Variants in BATF observed in about 807,000 individuals in gnomAD.
BATF encodes the protein basic leucine zipper ATF-like transcription factor, also known as basic leucine zipper transcriptional factor ATF-like.
BATF carries 5 observed loss-of-function variants against 13.7 expected under a neutral mutation model. That is an observed-to-expected ratio of 0.36 (90% CI 0.19 to 0.77). The LOEUF (loss-of-function observed/expected upper bound fraction) is 0.77. Among genes scored for constraint, BATF ranks in the 30% least tolerant of loss-of-function variants. The pLI is 0.51. For missense variants in BATF, 124 were observed against 163.0 expected (o/e 0.76, Z 1.30); for synonymous variants, 72 against 67.5 (o/e 1.07, Z -0.33).
chr14:75,530,622 T>C (rs1887718505), intron 2 of BATF, among the ~76,000 whole-genome samples: 1 of 152,248 alleles, frequency 6.6e-6, no homozygotes, highest in African/African-American at 2.4e-5. Flanking sequence ...AAGGCATAAA[T>C]ATAGTCCATA....
Position 75,546,602 on chromosome 14 carries a change from C to A in BATF, c.309C>A (p.Pro103=). 3.1e-6 allele frequency: 5 copies of A among 1,613,936 alleles called. No homozygotes were observed. The highest frequency in any genetic ancestry group is 4.2e-6 in the Non-Finnish European group (5 of 1,179,932). Reference sequence around the variant, plus strand: ...TGCTGGCCGCCAGCACGCCCTCGCCCCCCGAGGTGGTGTACAGCGCCCACG... The same window carrying A: ...TGCTGGCCGCCAGCACGCCCTCGCCACCCGAGGTGGTGTACAGCGCCCACG... ...CSVLAASTPS[P]PEVVYSAHAF... is the part of the protein sequence containing the mutation. Residue 103 remains proline (P), a synonymous_variant, in exon 3 of 3, where the codon CCC becomes CCA. Coordinates refer to ENST00000286639, the MANE Select transcript of BATF (RefSeq NM_006399.5).
At chr14:75,541,536 C>T (rs527523656) in intron 2 of BATF, among the ~76,000 whole-genome samples, 13 of 152,112 alleles carry the variant, frequency 8.5e-5, no homozygotes, top group Non-Finnish European at 1.6e-4. Context: ...ATGGTCAGCT[C>T]TATGATTGGA....
chr14:75,528,899 A>C (rs1887691176), intron 2 of BATF, among the ~76,000 whole-genome samples: 1 of 152,250 alleles, frequency 6.6e-6, no homozygotes, highest in South Asian at 2.1e-4. Flanking sequence ...TTATAATACC[A>C]ATGACAACAG....
At chr14:75,540,079 C>T (rs1212245020) in intron 2 of BATF, among the ~76,000 whole-genome samples, 1 of 152,142 alleles carries the variant, frequency 6.6e-6, no homozygotes, top group Non-Finnish European at 1.5e-5. Flanking sequence ...GGACTATTTT[C>T]ACCCTTCTGG....
intron 2 of BATF, among the ~76,000 whole-genome samples, chr14:75,537,534 A>G (rs1317471066): frequency 6.6e-6 from 1 of 152,234 alleles, no homozygotes; most frequent in Non-Finnish European, 1.5e-5. Flanking sequence ...AGACAATAAT[A>G]GCTCCTGCCC....
intron 2 of BATF, among the ~76,000 whole-genome samples, chr14:75,535,491 T>A (rs56673808): frequency 1.3e-5 from 2 of 152,162 alleles, no homozygotes; most frequent in African/African-American, 2.4e-5. Context: ...TTTTAACTTT[T>A]AAAAAATATC....
At chr14:75,525,022 G>T (rs1887630071) in intron 1 of BATF, 62 bp from the exon 2 acceptor site, 3 of 1,399,696 alleles carry the variant, frequency 2.1e-6, no homozygotes, top group Non-Finnish European at 3.0e-6. Context: ...CACCACCAGA[G>T]CCTGCTTTCA....
chr14:75,532,388 T>C (rs1887747840), intron 2 of BATF, among the ~76,000 whole-genome samples: 1 of 152,242 alleles, frequency 6.6e-6, no homozygotes, highest in Non-Finnish European at 1.5e-5. Flanking sequence ...CAATACAGTA[T>C]ATCCATTGTA....
intron 2 of BATF, among the ~76,000 whole-genome samples, chr14:75,544,792 ATTTTTTTTT>A (rs55834315): frequency 6.6e-4 from 89 of 134,172 alleles, no homozygotes; most frequent in Non-Finnish European, 4.8e-4. Context: ...TTGAACTGAA[ATTTTTTTTT>A]TTTTTTTTTT....
At position 75,546,836 on chromosome 14, in the gene BATF, G is replaced by T; in HGVS notation, c.*165G>T. On this transcript the variant is annotated 3_prime_UTR_variant, in exon 3 of 3. Transcript: ENST00000286639. ...GACTGGAAGGGCGTGAGGCCTCCCA[G>T]CAGTGCCGCAGCGTTTCGAGGGGCG... is the stretch of plus-strand genomic sequence containing the variant. 1 of 967,922 alleles carries T rather than the reference G, an allele frequency of 1.0e-6. No homozygotes were observed. Among genetic ancestry groups the T allele is most frequent in the Non-Finnish European group, 1.6e-6 (1 of 629,614 alleles). The allele number at this position is 967,922 out of a possible 1,614,324, so 60.0% of individuals were successfully genotyped here. A position where few individuals can be genotyped will look rare whatever the true frequency, so the allele number is the denominator to read the frequency against.
At position 75,546,533 on chromosome 14, in the gene BATF, G is replaced by A; in HGVS notation, c.240G>A (p.Lys80=). ...TCAAGCAGCTCACAGAGGAACTGAA[G>A]TACTTCACGTCGGTGCTGAACAGCC... ...KEIKQLTEEL[K]YFTSVLNSHE... Residue 80 remains lysine, a synonymous_variant, in exon 3 of 3, where the codon AAG becomes AAA. Transcript: ENST00000286639. The A allele has an allele frequency of 1.2e-6, 2 of 1,614,226 alleles. No homozygotes were observed. The highest frequency in any genetic ancestry group is 1.1e-5 in the South Asian group (1 of 91,088).
chr14:75,526,326 T>C (rs1360049397), intron 2 of BATF, among the ~76,000 whole-genome samples: 1 of 152,230 alleles, frequency 6.6e-6, no homozygotes, highest in Non-Finnish European at 1.5e-5. Flanking sequence ...CTAGCAACTC[T>C]ACCTTCCTGC....
intron 1 of BATF, among the ~76,000 whole-genome samples, chr14:75,523,488 G>A (rs1279679585): frequency 6.6e-6 from 1 of 152,146 alleles, no homozygotes; most frequent in Non-Finnish European, 1.5e-5. Context: ...AGGGATTGTG[G>A]GAGCATTTGG....
chr14:75,523,517 C>T (rs2140032905), intron 1 of BATF, among the ~76,000 whole-genome samples: 1 of 152,236 alleles, frequency 6.6e-6, no homozygotes, highest in Admixed American at 6.5e-5. Flanking sequence ...TTGTGACTTC[C>T]AAGTCCAAAG....
chr14:75,546,688 G>A lies in BATF; in HGVS notation c.*17G>A, dbSNP rs1374193944. On this transcript the variant is annotated 3_prime_UTR_variant, in exon 3 of 3. Coordinates refer to ENST00000286639, the MANE Select transcript of BATF (RefSeq NM_006399.5). Reference sequence around the variant, plus strand: ...CAGCCCTGAGCTTCCGATGCGGGGAGAGCAGAGCCTCGGGAGGGGCACACA... The same window carrying A: ...CAGCCCTGAGCTTCCGATGCGGGGAAAGCAGAGCCTCGGGAGGGGCACACA... The A allele has an allele frequency of 6.4e-7, 1 of 1,562,348 alleles. No homozygotes were observed. The highest frequency in any genetic ancestry group is 1.8e-5 in the Admixed American group (1 of 55,112).
In BATF at chr14:75,525,068, C is replaced by G. The variant is rs151038299; in HGVS notation, c.64-16C>G. ...AGATGCAGACCCATGTAATCCTCCC[C>G]GTCTCTGCTTCCCAGGACTCATCTG... On this transcript the variant is annotated splice_polypyrimidine_tract_variant and intron_variant, in intron 1 of 2. Coordinates refer to ENST00000286639, the MANE Select transcript of BATF (RefSeq NM_006399.5). 1.0e-5 allele frequency: 16 copies of G among 1,600,774 alleles called. No homozygotes were observed. In the East Asian group the frequency reaches 3.6e-4, roughly 36 times the overall value.
intron 2 of BATF, 22 bp from the exon 3 acceptor site, chr14:75,546,440 G>A: frequency 1.2e-6 from 2 of 1,613,362 alleles, no homozygotes; most frequent in South Asian, 1.1e-5. Context: ...CTAACCTCCG[G>A]TGCTGATCCC....
chr14:75,532,075 C>T (rs886302749), intron 2 of BATF, among the ~76,000 whole-genome samples: 1 of 152,210 alleles, frequency 6.6e-6, no homozygotes, highest in African/African-American at 2.4e-5. Flanking sequence ...GCTCTCCCTG[C>T]AGCATCTCAT....
intron 2 of BATF, among the ~76,000 whole-genome samples, chr14:75,536,214 G>A (rs576800127): frequency 2.0e-5 from 3 of 152,318 alleles, no homozygotes; most frequent in African/African-American, 7.2e-5. Context: ...TCTAAGGGAC[G>A]GGATTGGGGC....
Sources: allele counts gnomAD v4.1 joint callset (sites outside exome capture counted in the v4.1 genomes callset), GRCh38; gene constraint gnomAD v4.1.1; transcripts MANE v1.5; gene names NCBI Gene and HGNC (gene_info 2026-07-23, HGNC 2026-07-21).